Variants in UBR1 observed in about 807,000 individuals in gnomAD.
The protein encoded by UBR1 is ubiquitin protein ligase E3 component n-recognin 1, also known as E3 ubiquitin-protein ligase UBR1.
Under a neutral mutation model 242.1 loss-of-function variants are expected in UBR1, and 102 were observed. The observed-to-expected ratio is 0.42, with a 90% CI of 0.36 to 0.50. The LOEUF (loss-of-function observed/expected upper bound fraction) is 0.50, where lower values mean the gene tolerates loss of function less well. UBR1 is among the 20% of genes least tolerant of loss of function. The probability of loss-of-function intolerance (pLI) is 0.01; values close to 1 mark genes in which losing one functional copy is unlikely to be tolerated. For missense variants in UBR1, 1,772 were observed against 2,101.8 expected (o/e 0.84, Z 3.07); for synonymous variants, 675 against 684.8 (o/e 0.99, Z 0.22).
intron 6 of UBR1, among the ~76,000 whole-genome samples, chr15:43,062,674 T>C (rs932682835): frequency 6.6e-6 from 1 of 152,128 alleles, no homozygotes; most frequent in African/African-American, 2.4e-5. Flanking sequence ...GGCAGCGGTG[T>C]GATCAAAGCT....
intron 46 of UBR1, among the ~76,000 whole-genome samples, chr15:42,950,047 C>A (rs181514090): frequency 5.9e-5 from 9 of 151,902 alleles, no homozygotes; most frequent in African/African-American, 1.9e-4. Context: ...CCATGTTGGC[C>A]AGGCTGGTCT....
chr15:43,030,560 T>G (rs968477826), intron 20 of UBR1, among the ~76,000 whole-genome samples: 1 of 152,226 alleles, frequency 6.6e-6, no homozygotes, highest in Admixed American at 6.5e-5. Context: ...TGTCTTTATG[T>G]GCTAAATGAC....
intron 1 of UBR1, among the ~76,000 whole-genome samples, chr15:43,088,017 C>A (rs1340102411): frequency 6.6e-6 from 1 of 152,146 alleles, no homozygotes; most frequent in Non-Finnish European, 1.5e-5. Context: ...TGAAAGGATT[C>A]AAAATAAACT....
At chr15:42,948,547 A>C (rs1002299734) in intron 46 of UBR1, among the ~76,000 whole-genome samples, 15 of 152,102 alleles carry the variant, frequency 9.9e-5, no homozygotes, top group African/African-American at 3.6e-4. Context: ...CAAAGAGCTA[A>C]TATCCAGAAT....
chr15:42,969,641 T>G (rs1298064993), intron 40 of UBR1, among the ~76,000 whole-genome samples: 1 of 152,226 alleles, frequency 6.6e-6, no homozygotes, highest in East Asian at 1.9e-4. Flanking sequence ...ACAGGCAACT[T>G]CAGCAAAGTC....
intron 12 of UBR1, among the ~76,000 whole-genome samples, chr15:43,054,488 T>C (rs937807053): frequency 1.3e-5 from 2 of 152,238 alleles, no homozygotes; most frequent in African/African-American, 4.8e-5. Context: ...ATGCATTTGG[T>C]GACCCCAGGA....
intron 21 of UBR1, 80 bp from the exon 22 acceptor site, chr15:43,027,908 T>C: frequency 9.0e-7 from 1 of 1,116,340 alleles, no homozygotes; most frequent in Non-Finnish European, 1.3e-6. Context: ...CATTTTCTAC[T>C]GCATCTCTGA....
rs1000695234 is a variant in UBR1, at chr15:43,069,566, C to T, written c.659+1229G>A. Reference sequence around the variant, plus strand: ...CTGGGATTACAGGCGTGAGCCGCCGCGCCCGGCCTATGTTCCCAGTTTTAA... The same window carrying T: ...CTGGGATTACAGGCGTGAGCCGCCGTGCCCGGCCTATGTTCCCAGTTTTAA... On this transcript the variant is annotated intron_variant, in intron 5 of 46. Coordinates refer to ENST00000290650, the MANE Select transcript of UBR1 (RefSeq NM_174916.3). Among the ~76,000 whole-genome samples, 13 of 152,360 alleles carry T rather than the reference C, an allele frequency of 8.5e-5. 1 individual carries two copies. The highest frequency in any genetic ancestry group is 3.9e-4 in the Admixed American group (6 of 15,304).
chr15:43,059,209 T>C lies in UBR1; in HGVS notation c.986-17A>G. 6.3e-7 allele frequency: 1 copy of C among 1,596,142 alleles called. No homozygotes were observed. Among genetic ancestry groups the C allele is most frequent in the Admixed American group, 1.7e-5 (1 of 59,968 alleles). ...TAAAGTCACCTACAAACAAAAGAGG[T>C]CACACAGTTACACAACTTGTATTCT... is the stretch of plus-strand genomic sequence containing the variant. On this transcript the variant is annotated splice_polypyrimidine_tract_variant and intron_variant, in intron 8 of 46. Coordinates refer to ENST00000290650, the MANE Select transcript of UBR1 (RefSeq NM_174916.3).
intron 33 of UBR1, among the ~76,000 whole-genome samples, chr15:42,991,944 G>T (rs1326688714): frequency 6.6e-6 from 1 of 151,996 alleles, no homozygotes; most frequent in Non-Finnish European, 1.5e-5. Flanking sequence ...TAGAGATGGG[G>T]TCTTATTATA....
At chr15:43,057,518 G>A (rs1172713610) in intron 10 of UBR1, among the ~76,000 whole-genome samples, 1 of 152,088 alleles carries the variant, frequency 6.6e-6, no homozygotes. Context: ...GTATACCCTT[G>A]CAATCTAATT....
chr15:43,083,741 T>C (rs1455888241), intron 2 of UBR1, among the ~76,000 whole-genome samples: 1 of 151,934 alleles, frequency 6.6e-6, no homozygotes, highest in Non-Finnish European at 1.5e-5. Flanking sequence ...TGGGGAATTT[T>C]AAAAAGATTT....
At chr15:43,077,209 G>A (rs1418735570) in intron 3 of UBR1, among the ~76,000 whole-genome samples, 2 of 152,000 alleles carry the variant, frequency 1.3e-5, no homozygotes, top group African/African-American at 4.8e-5. Flanking sequence ...TGGAATAGAA[G>A]GGCGGGAAGG....
At chr15:43,066,914 G>T (rs929751309) in intron 6 of UBR1, among the ~76,000 whole-genome samples, 3 of 152,122 alleles carry the variant, frequency 2.0e-5, no homozygotes, top group African/African-American at 7.2e-5. Context: ...ATGAGCCACA[G>T]CACCTGGCCC....
At chr15:43,009,738 G>A (rs2032889259) in intron 29 of UBR1, among the ~76,000 whole-genome samples, 1 of 152,210 alleles carries the variant, frequency 6.6e-6, no homozygotes, top group Admixed American at 6.5e-5. Context: ...CACAGTCCAT[G>A]TTCTGAACTA....
At chr15:43,098,641 A>G (rs1409400877) in intron 1 of UBR1, among the ~76,000 whole-genome samples, 2 of 152,222 alleles carry the variant, frequency 1.3e-5, no homozygotes, top group Admixed American at 1.3e-4. Flanking sequence ...CAGCACTAGC[A>G]CATCTACACT....
chr15:43,089,964 C>T (rs1409960980), intron 1 of UBR1, among the ~76,000 whole-genome samples: 2 of 152,128 alleles, frequency 1.3e-5, no homozygotes, highest in Non-Finnish European at 2.9e-5. Flanking sequence ...AGAAAAAGCA[C>T]ATTTGTGGGA....
At chr15:43,058,290 T>C (rs1306815804) in intron 10 of UBR1, 51 bp downstream of exon 10, 2 of 1,123,410 alleles carry the variant, frequency 1.8e-6, no homozygotes. Context: ...TTAATTCATT[T>C]ATAAAAACTG....
intron 26 of UBR1, among the ~76,000 whole-genome samples, chr15:43,021,617 T>C (rs1464956461): frequency 6.6e-6 from 1 of 152,182 alleles, no homozygotes; most frequent in Non-Finnish European, 1.5e-5. Flanking sequence ...TTAGATAATA[T>C]TGTTTAGGGA....
Sources: gnomAD v4.1 joint callset for allele counts (sites outside exome capture counted in the v4.1 genomes callset) on GRCh38, gnomAD v4.1.1 for gene constraint, MANE v1.5 for transcripts, NCBI Gene and HGNC (gene_info 2026-07-23, HGNC 2026-07-21) for gene names.